SGK3: variants seen among roughly 807,000 people sequenced by gnomAD.
The protein encoded by SGK3 is serine/threonine-protein kinase Sgk3.
SGK3 carries 47 observed loss-of-function variants against 68.5 expected under a neutral mutation model. The observed-to-expected ratio is 0.69, with a 90% CI of 0.54 to 0.87. SGK3 has a LOEUF of 0.87. SGK3 is among the 40% of genes least tolerant of loss of function. The probability of loss-of-function intolerance (pLI) is 0.00; values close to 1 mark genes in which losing one functional copy is unlikely to be tolerated. For synonymous variants in SGK3, 181 were observed against 189.1 expected, an observed-to-expected ratio of 0.96 and a Z score of 0.35; for missense variants, 479 against 575.5, an observed-to-expected ratio of 0.83 and a Z score of 1.72.
At chr8:66,813,975 A>G (rs762470005) in intron 5 of SGK3, 47 bp downstream of exon 5, 13 of 1,443,470 alleles carry the variant, frequency 9.0e-6, no homozygotes, top group Non-Finnish European at 1.1e-5. Flanking sequence ...AACTAAACCT[A>G]AGAATACTGA....
intron 1 of SGK3, among the ~76,000 whole-genome samples, chr8:66,744,483 GTATATATATATATATATA>G (rs869176585): frequency 7.4e-5 from 3 of 40,746 alleles, no homozygotes; most frequent in Non-Finnish European, 9.7e-5. Context: ...GTGTGTGTGT[GTATATATATATATATATA>G]TATATATATA....
At position 66,850,876 on chromosome 8, in the gene SGK3, G is replaced by A. The variant is rs1210672549; in HGVS notation, c.1276G>A (p.Asp426Asn). 6.2e-7 allele frequency: 1 copy of A among 1,611,696 alleles called. No homozygotes were observed. Among genetic ancestry groups the A allele is most frequent in the East Asian group, 2.2e-5 (1 of 44,804 alleles). ...TTTTTTTGAATCACTCAGCTGGGCT[G>A]ACCTTGTACAAAAGAAGATTCCACC... ...HPFFESLSWA[D>N]LVQKKIPPPF... The change falls in exon 16 of 17, where the codon GAC becomes AAC. Residue 426 changes from aspartate (D) to asparagine (N), a missense_variant. By Grantham distance (23) the Asp-to-Asn change is conservative. Transcript: ENST00000521198.
At chr8:66,722,392 C>G (rs1804819762) in intron 1 of SGK3, among the ~76,000 whole-genome samples, 1 of 152,234 alleles carries the variant, frequency 6.6e-6, no homozygotes, top group South Asian at 2.1e-4. Flanking sequence ...AAGCGGTTCT[C>G]CTGCCTTAGC....
intron 1 of SGK3, among the ~76,000 whole-genome samples, chr8:66,777,448 A>G (rs1056427048): frequency 5.9e-5 from 9 of 152,130 alleles, no homozygotes; most frequent in African/African-American, 1.9e-4. Context: ...ATTTACGCCA[A>G]TTCACTGTCA....
At position 66,804,423 on chromosome 8, in the gene SGK3, A is replaced by G. The variant is rs1375110081; in HGVS notation, c.229A>G (p.Ile77Val). The G allele has an allele frequency of 1.9e-6, 3 of 1,612,480 alleles. No individual in the cohort carries two copies. Among genetic ancestry groups the G allele is most frequent in the Non-Finnish European group, 2.5e-6 (3 of 1,179,476 alleles). Residue 77 changes from isoleucine (I) to valine (V), a missense_variant, in exon 4 of 17, where the codon ATA becomes GTA. This residue lies in a region of SGK3 where 298 missense variants were observed against 329.4 expected (regional missense o/e 0.90). Transcript: ENST00000521198. ...GGCCCTGAAGATTCCTGCCAAGAGA[A>G]TATTTGGTGATAATTTTGATCCAGG... ...AMALKIPAKR[I>V]FGDNFDPDFI...
At chr8:66,799,035 T>G (rs181239010) in intron 3 of SGK3, among the ~76,000 whole-genome samples, 48 of 152,354 alleles carry the variant, frequency 3.2e-4, no homozygotes, top group African/African-American at 1.1e-3. Flanking sequence ...GAGATATGTC[T>G]TAGGTTCCAG....
intron 1 of SGK3, among the ~76,000 whole-genome samples, chr8:66,739,114 T>A (rs941716951): frequency 6.6e-6 from 1 of 152,212 alleles, no homozygotes; most frequent in Non-Finnish European, 1.5e-5. Flanking sequence ...GCTGGGTAAT[T>A]TATAAAGAAA....
intron 1 of SGK3, among the ~76,000 whole-genome samples, chr8:66,785,367 T>C (rs1166057525): frequency 6.6e-6 from 1 of 152,240 alleles, no homozygotes; most frequent in African/African-American, 2.4e-5. Flanking sequence ...GATATTTACC[T>C]CAGAGGTTGC....
intron 3 of SGK3, among the ~76,000 whole-genome samples, chr8:66,802,747 G>C (rs1440825545): frequency 6.6e-6 from 1 of 151,816 alleles, no homozygotes; most frequent in Non-Finnish European, 1.5e-5. Context: ...AGGCAGGTAG[G>C]AAGGAAGAAG....
At chr8:66,790,889 T>A (rs924540600) in intron 1 of SGK3, 2 of 152,244 alleles carry the variant, frequency 1.3e-5, no homozygotes, top group African/African-American at 2.4e-5. Context: ...AGGAAGGTTT[T>A]CAGGACACTT....
chr8:66,835,554 A>C (rs1809487633), intron 8 of SGK3, among the ~76,000 whole-genome samples: 1 of 151,554 alleles, frequency 6.6e-6, no homozygotes, highest in Non-Finnish European at 1.5e-5. Flanking sequence ...TGGGCACTTA[A>C]ATTTAGTTTA....
intron 1 of SGK3, among the ~76,000 whole-genome samples, chr8:66,743,856 A>G (rs1246701408): frequency 6.6e-6 from 1 of 152,188 alleles, no homozygotes; most frequent in Non-Finnish European, 1.5e-5. Flanking sequence ...TAAGCCCTGT[A>G]GCAGCCTTGC....
chr8:66,832,010 T>C (rs564769918), intron 8 of SGK3, among the ~76,000 whole-genome samples: 12 of 152,068 alleles, frequency 7.9e-5, no homozygotes, highest in African/African-American at 2.7e-4. Context: ...AAATGAAGAA[T>C]AGGGTGAAAT....
At chr8:66,818,840 A>G (rs1269556981) in intron 5 of SGK3, among the ~76,000 whole-genome samples, 1 of 152,120 alleles carries the variant, frequency 6.6e-6, no homozygotes, top group African/African-American at 2.4e-5. Flanking sequence ...TAATATTTCT[A>G]TTTTCTGACT....
chr8:66,806,819 A>G (rs2130620643), intron 4 of SGK3, among the ~76,000 whole-genome samples: 1 of 151,766 alleles, frequency 6.6e-6, no homozygotes, highest in South Asian at 2.1e-4. Context: ...GTCTCGAAAA[A>G]AAAAAAAAAA....
At chr8:66,755,407 G>C (rs527744120) in intron 1 of SGK3, among the ~76,000 whole-genome samples, 2 of 152,280 alleles carry the variant, frequency 1.3e-5, no homozygotes, top group African/African-American at 2.4e-5. Context: ...TTGTGCACCT[G>C]CGTTTTAACT....
At position 66,823,388 on chromosome 8, in the gene SGK3, G is replaced by GTT. The variant is rs200290622; in HGVS notation, c.417+943_417+944dup. On this transcript the variant is annotated intron_variant, in intron 6 of 16. Transcript: ENST00000521198. ...TCCTAACAGAGAATAGGGTAGCCTT[G>GTT]TTTTTTTTTTTTTTTGTTAATTTTT... Among the ~76,000 whole-genome samples, 767 of 134,958 alleles carry GTT rather than the reference G, an allele frequency of 5.7e-3. 11 individuals are homozygous for GTT. Among genetic ancestry groups the GTT allele is most frequent in the African/African-American group, 0.018 (670 of 37,294 alleles). 88.5% of individuals were successfully genotyped at this position (134,958 alleles called of 152,430 possible). A position where few individuals can be genotyped will look rare whatever the true frequency, so the allele number is the denominator to read the frequency against.
intron 5 of SGK3, among the ~76,000 whole-genome samples, chr8:66,819,874 A>G (rs751444838): frequency 1.3e-5 from 2 of 151,302 alleles, no homozygotes; most frequent in African/African-American, 2.4e-5. Context: ...CTGGAGTGCA[A>G]TGGCACCATC....
At chr8:66,728,465 T>A (rs1276275259) in intron 1 of SGK3, among the ~76,000 whole-genome samples, 1 of 152,058 alleles carries the variant, frequency 6.6e-6, no homozygotes, top group Non-Finnish European at 1.5e-5. Context: ...TCACTGGGAT[T>A]ATAGGTACCC....
Sources: gnomAD v4.1 joint callset for allele counts (sites outside exome capture counted in the v4.1 genomes callset) on GRCh38, gnomAD v4.1.1 for gene constraint, gnomAD v4.1.1 regional missense constraint, MANE v1.5 for transcripts, NCBI Gene and HGNC (gene_info 2026-07-23, HGNC 2026-07-21) for gene names.